Variants in CNST observed in about 807,000 individuals in gnomAD.
CNST encodes the protein consortin, connexin sorting protein, also known as consortin.
Under a neutral mutation model 72.4 loss-of-function variants are expected in CNST, and 39 were observed. The observed-to-expected ratio is 0.54, with a 90% CI of 0.42 to 0.70. CNST has a LOEUF of 0.70. Among genes scored for constraint, CNST ranks in the 30% least tolerant of loss-of-function variants. The pLI is 0.00. For missense variants in CNST, 871 were observed against 868.5 expected, an observed-to-expected ratio of 1.00 and a Z score of -0.04; for synonymous variants, 332 against 320.1, an observed-to-expected ratio of 1.04 and a Z score of -0.40.
intron 2 of CNST, among the ~76,000 whole-genome samples, chr1:246,619,166 A>AAC (rs1553377996): frequency 6.6e-6 from 1 of 151,396 alleles, no homozygotes; most frequent in African/African-American, 2.4e-5. Context: ...AAAAAAAAAA[A>AAC]CACTAATTCT....
chr1:246,611,005 C>T (rs563424487), intron 2 of CNST, among the ~76,000 whole-genome samples: 1 of 152,304 alleles, frequency 6.6e-6, no homozygotes, highest in East Asian at 1.9e-4. Context: ...ACACCTGCTG[C>T]TTTTCTGCTC....
intron 1 of CNST, among the ~76,000 whole-genome samples, chr1:246,567,089 T>C (rs1346895252): frequency 7.0e-6 from 1 of 142,406 alleles, no homozygotes. Flanking sequence ...AAGAACCGCG[T>C]GGTGTCTCCC....
At chr1:246,585,916 C>T (rs1300948806) in intron 1 of CNST, among the ~76,000 whole-genome samples, 2 of 151,606 alleles carry the variant, frequency 1.3e-5, no homozygotes, top group Non-Finnish European at 2.9e-5. Flanking sequence ...TCTGTTTCTA[C>T]AAAAAATTTA....
At chr1:246,580,264 A>G (rs1335762794) in intron 1 of CNST, among the ~76,000 whole-genome samples, 1 of 152,116 alleles carries the variant, frequency 6.6e-6, no homozygotes, top group African/African-American at 2.4e-5. Context: ...TGTAGATTTC[A>G]TTCTGGACAT....
chr1:246,575,057 A>G (rs10924781), intron 1 of CNST, among the ~76,000 whole-genome samples: 14,904 of 151,610 alleles, frequency 0.098, 798 homozygotes, highest in East Asian at 0.16. Flanking sequence ...GTGCAGTGGC[A>G]CGATCTTGGC....
chr1:246,570,902 T>TA (rs1660029583), intron 1 of CNST, among the ~76,000 whole-genome samples: 1 of 152,212 alleles, frequency 6.6e-6, no homozygotes, highest in African/African-American at 2.4e-5. Context: ...ATATGCTTAA[T>TA]GAGAAATTCT....
intron 1 of CNST, among the ~76,000 whole-genome samples, chr1:246,585,654 A>AT (rs1184419207): frequency 8.8e-5 from 8 of 91,212 alleles, no homozygotes; most frequent in African/African-American, 4.3e-4. Context: ...AAAAAAAAAA[A>AT]AAAAAAAAAT....
chr1:246,595,950 A>G (rs1329518892), intron 2 of CNST, among the ~76,000 whole-genome samples: 2 of 152,136 alleles, frequency 1.3e-5, no homozygotes, highest in South Asian at 2.1e-4. Context: ...GAGACATGTC[A>G]CTGTTTATGG....
In CNST at chr1:246,647,336, G is replaced by A. The variant is rs199596698; in HGVS notation, c.1135G>A (p.Glu379Lys). Residue 379 changes from glutamate to lysine, a missense_variant, in exon 9 of 11, where the codon GAG (glutamate) becomes AAG (lysine). Physicochemically the swap from Glu to Lys is moderately conservative, Grantham distance 56 (BLOSUM62 1). Transcript: ENST00000366513. ...ATLALHTQSS[E>K]TAGSPSGPDS... ...GTTAGCGCTCCACACCCAGTCCTCC[G>A]AGACAGCAGGGAGCCCGTCTGGGCC... 33 of 1,614,184 alleles carry A rather than the reference G, an allele frequency of 2.0e-5. No homozygotes were observed. The East Asian group carries it at 6.0e-4, about 29-fold the overall frequency.
intron 9 of CNST, among the ~76,000 whole-genome samples, chr1:246,659,812 T>C (rs1666987202): frequency 6.6e-6 from 1 of 152,176 alleles, no homozygotes; most frequent in African/African-American, 2.4e-5. Context: ...CAGTGGAGGA[T>C]TATAAGCATT....
At chr1:246,589,369 G>GT (rs1224663834) in intron 1 of CNST, among the ~76,000 whole-genome samples, 2 of 150,664 alleles carry the variant, frequency 1.3e-5, no homozygotes, top group East Asian at 3.9e-4. Context: ...GCGGTGTTTG[G>GT]TTTTTTGTCC....
chr1:246,634,863 G>A (rs143624793), intron 6 of CNST, among the ~76,000 whole-genome samples: 2,948 of 152,204 alleles, frequency 0.019, 39 homozygotes, highest in Non-Finnish European at 0.03. Flanking sequence ...GACGGGGCAG[G>A]GGTTTTACAG....
Position 246,621,526 on chromosome 1 carries a change from T to G in CNST, c.477T>G (p.Ala159=). ...ATGAAGAAGCTGCTGAAGTAAATGCTAATGAGCAGCCAGAGGCGCCAAAGC... is the reference window on the plus strand; with the variant it reads ...ATGAAGAAGCTGCTGAAGTAAATGCGAATGAGCAGCCAGAGGCGCCAAAGC... The part of the protein sequence containing the change: ...VDDEEAAEVN[A]NEQPEAPKLV... Residue 159 remains alanine (A), a synonymous_variant, in exon 3 of 11, where the codon GCT becomes GCG. Transcript: ENST00000366513. 1 of 1,614,124 alleles carries G rather than the reference T, an allele frequency of 6.2e-7. No homozygotes were observed. The highest frequency in any genetic ancestry group is 1.3e-5 in the African/African-American group (1 of 75,054).
At chr1:246,638,224 G>A (rs1246675206) in intron 6 of CNST, among the ~76,000 whole-genome samples, 2 of 152,168 alleles carry the variant, frequency 1.3e-5, no homozygotes, top group African/African-American at 2.4e-5. Flanking sequence ...GCTTTTGGAG[G>A]TTCTGGACCT....
chr1:246,664,943 T>C (rs1448329176), intron 10 of CNST, among the ~76,000 whole-genome samples: 1 of 152,176 alleles, frequency 6.6e-6, no homozygotes, highest in African/African-American at 2.4e-5. Flanking sequence ...TTCTTCAATA[T>C]AGAAAGATGC....
At chr1:246,610,137 C>T (rs531720446) in intron 2 of CNST, among the ~76,000 whole-genome samples, 2 of 152,036 alleles carry the variant, frequency 1.3e-5, no homozygotes, top group Non-Finnish European at 2.9e-5. Context: ...AAAAAATTAG[C>T]CAGGCATGGT....
chr1:246,640,258 G>C (rs1307585200), intron 6 of CNST, among the ~76,000 whole-genome samples: 1 of 152,124 alleles, frequency 6.6e-6, no homozygotes, highest in Non-Finnish European at 1.5e-5. Flanking sequence ...AGTTCAGATG[G>C]ACAGAATTGT....
intron 6 of CNST, among the ~76,000 whole-genome samples, chr1:246,635,223 A>T (rs1321012623): frequency 6.6e-5 from 10 of 151,668 alleles, no homozygotes; most frequent in East Asian, 1.9e-4. Context: ...AAAAGAAAAA[A>T]TTTTGGCGTA....
At chr1:246,624,859 G>T (rs556917090) in intron 3 of CNST, among the ~76,000 whole-genome samples, 33 of 152,252 alleles carry the variant, frequency 2.2e-4, no homozygotes, top group African/African-American at 6.5e-4. Flanking sequence ...TCACCATGTT[G>T]CCCGGGCTGG....
Sources: allele counts gnomAD v4.1 joint callset (sites outside exome capture counted in the v4.1 genomes callset), GRCh38; gene constraint gnomAD v4.1.1; transcripts MANE v1.5; gene names NCBI Gene and HGNC (gene_info 2026-07-23, HGNC 2026-07-21).